The following CCDC148 variants were observed in gnomAD, a reference collection of about 807,000 sequenced individuals.
CCDC148 encodes coiled-coil domain-containing protein 148.
In CCDC148, 89 loss-of-function variants were observed where a neutral mutation model predicts 85.7. That is an observed-to-expected ratio of 1.04 (90% CI 0.87 to 1.24). The LOEUF is 1.24. Among genes scored for constraint, CCDC148 ranks in the 50% most tolerant of loss-of-function variants. The pLI, the probability that CCDC148 is intolerant of heterozygous loss-of-function variation, is 0.00. For synonymous variants in CCDC148, 230 were observed against 213.9 expected, an observed-to-expected ratio of 1.08 and a Z score of -0.66; for missense variants, 692 against 671.7, an observed-to-expected ratio of 1.03 and a Z score of -0.33.
chr2:158,390,286 T>C (rs568688670), intron 1 of CCDC148, among the ~76,000 whole-genome samples: 2 of 152,002 alleles, frequency 1.3e-5, no homozygotes, highest in South Asian at 2.1e-4. Context: ...GACAAAGGGA[T>C]AGAAGGACCA....
chr2:158,402,137 G>C (rs2602185), intron 1 of CCDC148, among the ~76,000 whole-genome samples: 135,051 of 152,056 alleles, frequency 0.89, 60,737 homozygotes, highest in Non-Finnish European at 0.96. Flanking sequence ...TCATTTGATC[G>C]TAAACTAGCC....
At chr2:158,340,511 T>A (rs1445801924) in intron 4 of CCDC148, 87 bp downstream of exon 4, 1 of 1,399,410 alleles carries the variant, frequency 7.1e-7, no homozygotes, top group East Asian at 2.3e-5. Flanking sequence ...AAATGGCAGT[T>A]AATATTAAAA....
At chr2:158,204,030 C>G (rs1206843839) in intron 11 of CCDC148, among the ~76,000 whole-genome samples, 2 of 152,144 alleles carry the variant, frequency 1.3e-5, no homozygotes, top group Non-Finnish European at 2.9e-5. Flanking sequence ...TCAACTATAA[C>G]AAATCAGGCC....
intron 1 of CCDC148, chr2:158,366,210 T>C (rs1211862042): frequency 1.7e-6 from 1 of 575,488 alleles, no homozygotes; most frequent in African/African-American, 2.0e-5. Context: ...TATTAAAATT[T>C]GCTTTTCTTG....
intron 9 of CCDC148, among the ~76,000 whole-genome samples, chr2:158,275,809 G>A (rs1574522691): frequency 3.3e-5 from 5 of 151,718 alleles, no homozygotes. Context: ...CTCTGAAAAA[G>A]TATATCCTAT....
intron 7 of CCDC148, among the ~76,000 whole-genome samples, chr2:158,317,903 T>C (rs1029980372): frequency 5.3e-5 from 8 of 152,190 alleles, no homozygotes; most frequent in Non-Finnish European, 1.2e-4. Flanking sequence ...GAAGAAAAAC[T>C]CATCTCTTAA....
At chr2:158,289,267 A>T (rs1690777507) in intron 9 of CCDC148, among the ~76,000 whole-genome samples, 1 of 152,242 alleles carries the variant, frequency 6.6e-6, no homozygotes, top group South Asian at 2.1e-4. Context: ...GAAAGATACT[A>T]TTAAGAGAAT....
At chr2:158,353,475 AAAG>A (rs1683439169) in intron 2 of CCDC148, among the ~76,000 whole-genome samples, 1 of 141,492 alleles carries the variant, frequency 7.1e-6, no homozygotes, top group Non-Finnish European at 1.6e-5. Context: ...CAAAAGAGAC[AAAG>A]AAGGCCATTA....
chr2:158,323,812 T>TC (rs1327490402), intron 7 of CCDC148, among the ~76,000 whole-genome samples: 1 of 151,870 alleles, frequency 6.6e-6, no homozygotes, highest in Non-Finnish European at 1.5e-5. Flanking sequence ...ATCAATGGTC[T>TC]CCTCTTCACC....
chr2:158,267,557 C>T (rs955091156), intron 9 of CCDC148, among the ~76,000 whole-genome samples: 3 of 152,164 alleles, frequency 2.0e-5, no homozygotes, highest in African/African-American at 7.2e-5. Context: ...AGGTCATAAC[C>T]TATTAGCAGA....
At chr2:158,448,131 A>C (rs945554371) in intron 1 of CCDC148, among the ~76,000 whole-genome samples, 7 of 152,100 alleles carry the variant, frequency 4.6e-5, no homozygotes, top group Non-Finnish European at 7.4e-5. Flanking sequence ...TTTAAAAAAA[A>C]TCCCTTTCAC....
chr2:158,429,958 C>T (rs1351260146), intron 1 of CCDC148, among the ~76,000 whole-genome samples: 1 of 152,100 alleles, frequency 6.6e-6, no homozygotes, highest in African/African-American at 2.4e-5. Context: ...GAAGTGAAGG[C>T]ATCTGGAAGT....
intron 7 of CCDC148, among the ~76,000 whole-genome samples, chr2:158,338,012 A>G (rs562938247): frequency 6.7e-4 from 102 of 152,258 alleles, no homozygotes; most frequent in African/African-American, 2.3e-3. Flanking sequence ...CGGGGAAAAT[A>G]TTGAGGTCAA....
intron 1 of CCDC148, chr2:158,366,042 G>A: frequency 6.5e-7 from 1 of 1,543,462 alleles, no homozygotes; most frequent in African/African-American, 1.4e-5. Context: ...GAATTGTCAT[G>A]AATGGTTGGT....
At chr2:158,452,302 A>G (rs1341483274) in intron 1 of CCDC148, among the ~76,000 whole-genome samples, 1 of 152,142 alleles carries the variant, frequency 6.6e-6, no homozygotes, top group Non-Finnish European at 1.5e-5. Flanking sequence ...GTGCTAGGAA[A>G]CGTATGATAA....
chr2:158,358,932 TTAAG>T (rs1411160655), intron 1 of CCDC148, among the ~76,000 whole-genome samples: 3 of 152,144 alleles, frequency 2.0e-5, no homozygotes, highest in East Asian at 1.9e-4. Context: ...ACTGTGAATA[TTAAG>T]TATCACATCA....
chr2:158,402,651 C>T (rs2543638), intron 1 of CCDC148, among the ~76,000 whole-genome samples: 152,056 of 152,142 alleles, frequency 1, 75,985 homozygotes, highest in Middle Eastern at 1. Context: ...ATTCTTTTAA[C>T]AGATATATTA....
chr2:158,240,491 C>CACACCT (rs1688310889), intron 10 of CCDC148, among the ~76,000 whole-genome samples: 1 of 143,780 alleles, frequency 7.0e-6, no homozygotes, highest in Non-Finnish European at 1.5e-5. Flanking sequence ...CACACACACA[C>CACACCT]CTCTTTAAAA....
chr2:158,313,514 G>A lies in CCDC148; in HGVS notation c.903+242C>T, dbSNP rs146495615. 7.2e-4 allele frequency among the ~76,000 whole-genome samples: 109 copies of A among 152,306 alleles called. 1 individual carries two copies. The highest frequency in any genetic ancestry group is 6.4e-3 in the Admixed American group (98 of 15,306). ...CCCTGGGACCACAGTGAAGATCTCCGCAGCAAGTAGGCACAGAGAGTGACT... is the reference window on the plus strand; with the variant it reads ...CCCTGGGACCACAGTGAAGATCTCCACAGCAAGTAGGCACAGAGAGTGACT... On this transcript the variant is annotated intron_variant, in intron 8 of 13. Coordinates refer to ENST00000283233, the MANE Select transcript of CCDC148 (RefSeq NM_138803.4).
Sources: allele counts gnomAD v4.1 joint callset (sites outside exome capture counted in the v4.1 genomes callset), GRCh38; gene constraint gnomAD v4.1.1; transcripts MANE v1.5; gene names NCBI Gene and HGNC (gene_info 2026-07-23, HGNC 2026-07-21).